Variants in SH3KBP1 observed in about 807,000 individuals in gnomAD.
The protein encoded by SH3KBP1 is SH3 domain containing kinase binding protein 1.
In SH3KBP1, 8 loss-of-function variants were observed where a neutral mutation model predicts 50.1. The ratio of observed to expected loss-of-function variants is 0.16; its 90% CI spans 0.09 to 0.29. SH3KBP1 has a LOEUF of 0.29. Among genes scored for constraint, SH3KBP1 ranks in the 10% least tolerant of loss-of-function variants. SH3KBP1 has a pLI of 1.00. For synonymous variants in SH3KBP1, 227 were observed against 218.6 expected, an observed-to-expected ratio of 1.04 and a Z score of -0.34; for missense variants, 377 against 535.2, an observed-to-expected ratio of 0.70 and a Z score of 2.92.
chrX:19,544,788 T>C (rs1007337562), intron 15 of SH3KBP1, among the ~76,000 whole-genome samples: 5 of 112,098 alleles, frequency 4.5e-5, no homozygotes, highest in South Asian at 3.7e-4. Flanking sequence ...GTGGAATTTC[T>C]AGAAGCACTG....
chrX:19,628,132 T>C (rs2061497470), intron 8 of SH3KBP1, among the ~76,000 whole-genome samples: 2 of 112,355 alleles, frequency 1.8e-5, no homozygotes, highest in Admixed American at 9.4e-5. Context: ...ATTTATGGCA[T>C]GTTTTCTTTC....
chrX:19,552,343 C>T (rs2065265991), intron 13 of SH3KBP1, among the ~76,000 whole-genome samples: 1 of 110,711 alleles, frequency 9.0e-6, no homozygotes. Context: ...GAAATAAGGC[C>T]CAGGACAGGG....
chrX:19,862,350 T>G (rs1005460194), intron 1 of SH3KBP1, among the ~76,000 whole-genome samples: 22 of 112,426 alleles, frequency 2.0e-4, no homozygotes, highest in African/African-American at 7.1e-4. Flanking sequence ...AAAATTGATA[T>G]GGATAGTCTG....
intron 7 of SH3KBP1, among the ~76,000 whole-genome samples, chrX:19,633,165 G>T (rs1244288273): frequency 1.8e-5 from 2 of 112,182 alleles, no homozygotes; most frequent in East Asian, 5.5e-4. Context: ...ATAGGACAGA[G>T]AAGAGAGGGA....
At chrX:19,744,370 C>T (rs1260016195) in intron 3 of SH3KBP1, among the ~76,000 whole-genome samples, 2 of 111,864 alleles carry the variant, frequency 1.8e-5, no homozygotes, top group South Asian at 7.4e-4. Flanking sequence ...AATCAATCTA[C>T]CCCCGCTGTT....
At chrX:19,756,830 G>C (rs1233703884) in intron 2 of SH3KBP1, among the ~76,000 whole-genome samples, 4 of 105,011 alleles carry the variant, frequency 3.8e-5, no homozygotes. Flanking sequence ...AAGTCAGTCT[G>C]TATGTACCAA....
intron 7 of SH3KBP1, among the ~76,000 whole-genome samples, chrX:19,640,488 C>CA (rs1569370156): frequency 9.9e-6 from 1 of 100,771 alleles, no homozygotes; most frequent in Non-Finnish European, 2.0e-5. Flanking sequence ...TCTGCAACGA[C>CA]TTTTTTTTTT....
At chrX:19,859,941 C>G (rs2068742167) in intron 1 of SH3KBP1, among the ~76,000 whole-genome samples, 1 of 111,549 alleles carries the variant, frequency 9.0e-6, no homozygotes, top group African/African-American at 3.3e-5. Context: ...ACTGTCTCTT[C>G]TCCAGTTTCT....
chrX:19,634,072 G>A (rs2061642664), intron 7 of SH3KBP1, among the ~76,000 whole-genome samples: 1 of 94,493 alleles, frequency 1.1e-5, no homozygotes, highest in East Asian at 3.1e-4. Context: ...GTGTGTGTGT[G>A]TGTGTGTGTG....
intron 1 of SH3KBP1, among the ~76,000 whole-genome samples, chrX:19,866,406 A>G (rs1004770442): frequency 8.9e-6 from 1 of 111,953 alleles, no homozygotes; most frequent in Admixed American, 9.5e-5. Flanking sequence ...AGTTCAATGC[A>G]AAAGAAACTT....
intron 9 of SH3KBP1, among the ~76,000 whole-genome samples, chrX:19,596,876 C>T (rs1272158015): frequency 2.7e-5 from 3 of 111,962 alleles, no homozygotes; most frequent in African/African-American, 6.5e-5. Context: ...TTGCTATTTC[C>T]GCCACATCTG....
At chrX:19,735,797 C>T (rs1012486252) in intron 3 of SH3KBP1, among the ~76,000 whole-genome samples, 2 of 104,493 alleles carry the variant, frequency 1.9e-5, no homozygotes, top group Non-Finnish European at 3.9e-5. Flanking sequence ...GATCTCGGCT[C>T]ACTGCAAGCT....
chrX:19,584,179 A>T (rs893669920), intron 12 of SH3KBP1, among the ~76,000 whole-genome samples: 2 of 94,313 alleles, frequency 2.1e-5, no homozygotes, highest in Non-Finnish European at 4.1e-5. Flanking sequence ...ATTTATATAT[A>T]ATATATTTAT....
At chrX:19,808,920 T>A (rs981793486) in intron 2 of SH3KBP1, among the ~76,000 whole-genome samples, 1 of 112,230 alleles carries the variant, frequency 8.9e-6, no homozygotes, top group Non-Finnish European at 1.9e-5. Context: ...ACTTATTTAT[T>A]TTTTTAAGGA....
At chrX:19,630,567 A>G (rs2061553274) in intron 8 of SH3KBP1, among the ~76,000 whole-genome samples, 1 of 112,107 alleles carries the variant, frequency 8.9e-6, no homozygotes, top group Admixed American at 9.4e-5. Flanking sequence ...ACATACTGAA[A>G]TAACTTCAGG....
At chrX:19,867,653 A>C (rs1272461501) in intron 1 of SH3KBP1, among the ~76,000 whole-genome samples, 2 of 111,476 alleles carry the variant, frequency 1.8e-5, no homozygotes, top group African/African-American at 6.5e-5. Context: ...GCACAGTCTT[A>C]GTGAAGCCCA....
chrX:19,666,675 A>G (rs2062607124), intron 6 of SH3KBP1, among the ~76,000 whole-genome samples: 1 of 111,629 alleles, frequency 9.0e-6, no homozygotes, highest in South Asian at 3.7e-4. Context: ...CTACAAGAAG[A>G]AAAAAAAGCA....
intron 2 of SH3KBP1, among the ~76,000 whole-genome samples, chrX:19,828,137 T>C (rs544490847): frequency 9.0e-6 from 1 of 111,591 alleles, no homozygotes; most frequent in African/African-American, 3.3e-5. Context: ...GTATGCTGTT[T>C]TCTCTTTTTT....
At chrX:19,746,535 T>A (rs2064923586) in intron 2 of SH3KBP1, 94 bp from the exon 3 acceptor site, 6 of 812,891 alleles carry the variant, frequency 7.4e-6, no homozygotes, top group Non-Finnish European at 7.1e-6. Context: ...GGAAATGAAC[T>A]ATAGCAATGC....
Sources: allele counts gnomAD v4.1 joint callset (sites outside exome capture counted in the v4.1 genomes callset), GRCh38; gene constraint gnomAD v4.1.1; transcripts MANE v1.5; gene names NCBI Gene and HGNC (gene_info 2026-07-23, HGNC 2026-07-21).